VGLL4: variants seen among roughly 807,000 people sequenced by gnomAD.
VGLL4 encodes vestigial like family member 4, also known as transcription cofactor vestigial-like protein 4.
VGLL4 carries 7 observed loss-of-function variants against 21.0 expected under a neutral mutation model. That is an observed-to-expected ratio of 0.33 (90% CI 0.19 to 0.63). The LOEUF is 0.63. Among genes scored for constraint, VGLL4 ranks in the 20% least tolerant of loss-of-function variants. The pLI is 0.78. For synonymous variants in VGLL4, 222 were observed against 173.2 expected (o/e 1.28, Z -2.21); for missense variants, 394 against 425.7 (o/e 0.93, Z 0.66).
chr3:11,613,747 G>T (rs757502947), intron 1 of VGLL4, among the ~76,000 whole-genome samples: 2 of 152,174 alleles, frequency 1.3e-5, no homozygotes, highest in Non-Finnish European at 2.9e-5. Context: ...TCATATAAAG[G>T]TCCCAGCCCA....
chr3:11,715,580 T>C (rs921065982), intron 1 of VGLL4, among the ~76,000 whole-genome samples: 2 of 152,098 alleles, frequency 1.3e-5, no homozygotes, highest in Non-Finnish European at 2.9e-5. Context: ...GTGATCCACC[T>C]GCCTCGGCCT....
In VGLL4 at chr3:11,622,527, T is replaced by C. The variant is rs1429034686; in HGVS notation, c.83-20505A>G. ...ATGATTGTTAAAACTGCTCCCATGC[T>C]AGAATGCTCCTCAATTGTTTCCGTC... On this transcript the variant is annotated intron_variant, in intron 1 of 4. Transcript: ENST00000430365. Among the ~76,000 whole-genome samples the C allele has an allele frequency of 2.0e-5, 3 of 152,244 alleles. No homozygotes were observed. In the East Asian group the frequency reaches 5.8e-4, roughly 29 times the overall value.
intron 2 of VGLL4, among the ~76,000 whole-genome samples, chr3:11,658,105 T>C (rs1477155463): frequency 7.3e-6 from 1 of 137,660 alleles, no homozygotes; most frequent in East Asian, 2.0e-4. Flanking sequence ...GGCTAATTTT[T>C]GTATTTTTTT....
intron 1 of VGLL4, among the ~76,000 whole-genome samples, chr3:11,706,534 G>A (rs1248086550): frequency 6.6e-6 from 1 of 152,194 alleles, no homozygotes; most frequent in Non-Finnish European, 1.5e-5. Context: ...TGTCATAAAA[G>A]AGATCAATGT....
At chr3:11,579,934 T>C (rs1234759279) in intron 2 of VGLL4, among the ~76,000 whole-genome samples, 1 of 152,202 alleles carries the variant, frequency 6.6e-6, no homozygotes. Flanking sequence ...TCACCCCAGA[T>C]GAGTATGGAA....
chr3:11,591,745 C>A (rs2074503438), intron 2 of VGLL4, among the ~76,000 whole-genome samples: 1 of 152,216 alleles, frequency 6.6e-6, no homozygotes, highest in Non-Finnish European at 1.5e-5. Flanking sequence ...GAGTGGCCCT[C>A]AGAGAAGAGC....
chr3:11,658,295 G>A (rs571859453), intron 2 of VGLL4, among the ~76,000 whole-genome samples: 3 of 152,048 alleles, frequency 2.0e-5, no homozygotes, highest in Admixed American at 6.5e-5. Context: ...GCACGTTCAG[G>A]ACTGTCTACT....
At chr3:11,582,962 C>T (rs2074272177) in intron 2 of VGLL4, among the ~76,000 whole-genome samples, 8 of 152,186 alleles carry the variant, frequency 5.3e-5, no homozygotes, top group Admixed American at 5.2e-4. Context: ...GCAAAGGTGC[C>T]ACAGCCATCC....
intron 2 of VGLL4, chr3:11,671,352 C>T (rs753147233): frequency 4.9e-5 from 58 of 1,192,696 alleles, no homozygotes; most frequent in South Asian, 4.5e-4. Flanking sequence ...AGTTCCGCAG[C>T]GAGGACTACG....
Position 11,589,901 on chromosome 3 carries a change from C to T in VGLL4, c.272+11932G>A, listed in dbSNP as rs76596940. 1.7e-3 allele frequency among the ~76,000 whole-genome samples: 257 copies of T among 152,334 alleles called. 1 individual carries two copies. The highest frequency in any genetic ancestry group is 5.6e-3 in the African/African-American group (234 of 41,574). On this transcript the variant is annotated intron_variant, in intron 2 of 4. Transcript: ENST00000430365. ...CCTCATCACCTCCCAAAGGCTTCAT[C>T]TCTAAAGAGCATCACATCGGGGGTT...
intron 1 of VGLL4, among the ~76,000 whole-genome samples, chr3:11,606,874 C>G (rs1315915470): frequency 6.6e-6 from 1 of 152,190 alleles, no homozygotes. Flanking sequence ...CACAATAAAT[C>G]TTGCTGCTGC....
intron 2 of VGLL4, among the ~76,000 whole-genome samples, chr3:11,697,273 G>GTTT (rs376466335): frequency 1.5e-5 from 2 of 137,324 alleles, no homozygotes; most frequent in Non-Finnish European, 3.2e-5. Flanking sequence ...GCTAATTGTG[G>GTTT]TTTTTTTTTT....
chr3:11,575,641 T>C (rs2074016656), intron 2 of VGLL4, among the ~76,000 whole-genome samples: 1 of 152,192 alleles, frequency 6.6e-6, no homozygotes, highest in Admixed American at 6.5e-5. Flanking sequence ...GACACCAGCC[T>C]TAGGAGAGAA....
chr3:11,638,931 G>A (rs1002919586), intron 1 of VGLL4, among the ~76,000 whole-genome samples: 7 of 152,296 alleles, frequency 4.6e-5, no homozygotes, highest in Admixed American at 6.5e-5. Flanking sequence ...AAAGTTGCCC[G>A]TGATGAAACA....
chr3:11,613,181 G>GT (rs2075096015), intron 1 of VGLL4, among the ~76,000 whole-genome samples: 1 of 152,158 alleles, frequency 6.6e-6, no homozygotes, highest in Non-Finnish European at 1.5e-5. Context: ...TCTTCAAAAT[G>GT]TAAGTGTTTT....
rs567252049 is a variant in VGLL4, at chr3:11,662,115, C to T, written c.64+40856G>A. ...CAGAAGAAACATTCTCCCTGGCTAA[C>T]ATTATGTCGCCAGCTGCTACCACGG... On this transcript the variant is annotated intron_variant, in intron 2 of 5. Transcript: ENST00000273038. 2.6e-5 allele frequency among the ~76,000 whole-genome samples: 4 copies of T among 152,270 alleles called. No individual in the cohort carries two copies. The South Asian group carries it at 8.3e-4, about 32-fold the overall frequency.
chr3:11,721,464 G>C (rs573745098), upstream of VGLL4, among the ~76,000 whole-genome samples: 1 of 152,310 alleles, frequency 6.6e-6, no homozygotes, highest in Admixed American at 6.5e-5. Context: ...CAACTTACAA[G>C]TCAACCTAGG....
chr3:11,599,394 A>G (rs2125260603), intron 2 of VGLL4, among the ~76,000 whole-genome samples: 1 of 151,270 alleles, frequency 6.6e-6, no homozygotes, highest in East Asian at 2.0e-4. Context: ...TTTGCATAAT[A>G]ATGTCAATTG....
intron 1 of VGLL4, among the ~76,000 whole-genome samples, chr3:11,638,295 G>A (rs1201926160): frequency 6.6e-6 from 1 of 152,146 alleles, no homozygotes; most frequent in Non-Finnish European, 1.5e-5. Flanking sequence ...AGACAAACCT[G>A]GCCTCCAGAA....
Sources: allele counts gnomAD v4.1 joint callset (sites outside exome capture counted in the v4.1 genomes callset), GRCh38; gene constraint gnomAD v4.1.1; transcripts MANE v1.5; gene names NCBI Gene and HGNC (gene_info 2026-07-23, HGNC 2026-07-21).